Variants in ZNF148 observed in about 807,000 individuals in gnomAD.
ZNF148 encodes Beta-Enolase Repressor Factor-1.
Under a neutral mutation model 67.7 loss-of-function variants are expected in ZNF148, and 7 were observed. The ratio of observed to expected loss-of-function variants is 0.10; its 90% CI spans 0.06 to 0.19. ZNF148 has a LOEUF of 0.19. Among genes scored for constraint, ZNF148 ranks in the 10% least tolerant of loss-of-function variants. The pLI is 1.00. For missense variants in ZNF148, 583 were observed against 947.1 expected, an observed-to-expected ratio of 0.62 and a Z score of 5.05; for synonymous variants, 333 against 330.7, an observed-to-expected ratio of 1.01 and a Z score of -0.08.
chr3:125,340,728 T>C (rs904649801), intron 1 of ZNF148, among the ~76,000 whole-genome samples: 2 of 152,126 alleles, frequency 1.3e-5, no homozygotes, highest in African/African-American at 2.4e-5. Flanking sequence ...GGCTCATGCC[T>C]GTAATCCCAG....
intron 1 of ZNF148, among the ~76,000 whole-genome samples, chr3:125,340,019 G>GCA (rs1466752000): frequency 6.6e-6 from 1 of 152,060 alleles, no homozygotes; most frequent in East Asian, 1.9e-4. Flanking sequence ...TACTCACGAA[G>GCA]CACAACTGTA....
At chr3:125,280,347 T>A (rs1404496454) in intron 5 of ZNF148, among the ~76,000 whole-genome samples, 2 of 152,056 alleles carry the variant, frequency 1.3e-5, no homozygotes, top group African/African-American at 4.8e-5. Context: ...TTAGGCTGCA[T>A]GTATTCCAAT....
Position 125,334,394 on chromosome 3 carries a change from A to G in ZNF148, c.-233-3156T>C, listed in dbSNP as rs368604001. Among the ~76,000 whole-genome samples, 30 of 152,342 alleles carry G rather than the reference A, an allele frequency of 2.0e-4. No individual in the cohort carries two copies. In the East Asian group the frequency reaches 5.8e-3, roughly 29 times the overall value. On this transcript the variant is annotated intron_variant, in intron 1 of 8. Coordinates refer to ENST00000360647, the MANE Select transcript of ZNF148 (RefSeq NM_021964.3). ...CACATACAGAGTAAATGTTTGTGAT[A>G]ATAATGTGATATAATTGAAGCATAA...
intron 6 of ZNF148, among the ~76,000 whole-genome samples, chr3:125,278,168 C>T (rs1048814764): frequency 1.8e-4 from 28 of 152,072 alleles, no homozygotes; most frequent in African/African-American, 5.6e-4. Flanking sequence ...GAAGAAGGTG[C>T]GCCCATCCTG....
intron 7 of ZNF148, among the ~76,000 whole-genome samples, chr3:125,254,525 T>C (rs1936985582): frequency 6.6e-6 from 1 of 152,230 alleles, no homozygotes. Flanking sequence ...GTTCTGTCCA[T>C]TTCTGCTTAA....
chr3:125,371,372 A>AG (rs59807253), intron 1 of ZNF148, among the ~76,000 whole-genome samples: 97 of 65,356 alleles, frequency 1.5e-3, no homozygotes, highest in East Asian at 5.0e-3. Flanking sequence ...AAAAAAAAAA[A>AG]GGGGGGGGGG....
At position 125,232,395 on chromosome 3, in the gene ZNF148, A is replaced by G. The variant is rs776411296; in HGVS notation, c.2331T>C (p.Asn777=). 3 of 1,611,472 alleles carry G rather than the reference A, an allele frequency of 1.9e-6. No individual in the cohort carries two copies. Among genetic ancestry groups the G allele is most frequent in the African/African-American group, 2.7e-5 (2 of 74,264 alleles). Residue 777 remains asparagine, a synonymous_variant, in exon 9 of 9, where the codon AAT becomes AAC. Transcript: ENST00000360647. This position sits in a 1 kb window ranked among gnomAD's most constrained non-coding sequence, Gnocchi z 4.2. ...SEFPLVNVND[N]RAGMTSSPDA... ...CAGGTGAAGATGTCATCCCAGCTCT[A>G]TTATCATTTACATTCACCAAGGGAA...
At chr3:125,348,809 G>C (rs747480338) in intron 1 of ZNF148, among the ~76,000 whole-genome samples, 6 of 152,012 alleles carry the variant, frequency 3.9e-5, no homozygotes, top group Non-Finnish European at 5.9e-5. Context: ...TCTTGAAAAA[G>C]AACAACAAAG....
intron 7 of ZNF148, among the ~76,000 whole-genome samples, chr3:125,274,548 G>A (rs1392529408): frequency 6.6e-6 from 1 of 152,182 alleles, no homozygotes; most frequent in African/African-American, 2.4e-5. Context: ...TTAAATAATA[G>A]CCTGTCTAGA....
chr3:125,289,332 C>G (rs984604390), intron 4 of ZNF148, among the ~76,000 whole-genome samples: 1 of 152,146 alleles, frequency 6.6e-6, no homozygotes, highest in Non-Finnish European at 1.5e-5. Context: ...GAATTTCATA[C>G]TGACAAAATA....
Position 125,277,748 on chromosome 3 carries a change from C to G in ZNF148, c.645G>C (p.Gln215His). The G allele has an allele frequency of 6.2e-7, 1 of 1,612,328 alleles. No individual in the cohort carries two copies. Reference sequence around the variant, plus strand: ...CACCAGTATGAATCTTCTCATGTCTCTGAAGCAGGTACTTCTGTATGAAAC... The same window carrying G: ...CACCAGTATGAATCTTCTCATGTCTGTGAAGCAGGTACTTCTGTATGAAAC... ...DMRFIQKYLL[Q>H]RHEKIHTGEK... The change falls in exon 7 of 9, where the codon CAG becomes CAC. Residue 215 changes from glutamine to histidine, a missense_variant. Around this residue, in one of 5 missense-constraint regions of ZNF148, gnomAD observed 25 missense variants for 142.0 expected, o/e 0.18. Transcript: ENST00000360647.
At chr3:125,297,023 G>A (rs186323560) in intron 4 of ZNF148, among the ~76,000 whole-genome samples, 1 of 151,838 alleles carries the variant, frequency 6.6e-6, no homozygotes, top group East Asian at 1.9e-4. Context: ...TCCTAAAGTA[G>A]TAAGATTATA....
Position 125,354,141 on chromosome 3 carries a change from A to C in ZNF148, c.-234+20961T>G, listed in dbSNP as rs146161572. Among the ~76,000 whole-genome samples, 3 of 152,176 alleles carry C rather than the reference A, an allele frequency of 2.0e-5. No homozygotes were observed. The East Asian group carries it at 5.8e-4, about 29-fold the overall frequency. On this transcript the variant is annotated intron_variant, in intron 1 of 8. Transcript: ENST00000360647. ...CTAATATGCATTTTAAGTTTTTTCT[A>C]TTAAATAAATTTCTTACATAAAATT...
chr3:125,315,501 G>A (rs1052675461), intron 3 of ZNF148, among the ~76,000 whole-genome samples: 1 of 152,034 alleles, frequency 6.6e-6, no homozygotes. Flanking sequence ...CAGGTCAGGA[G>A]ATCGAGACCA....
chr3:125,285,074 C>CT (rs1938588586), intron 5 of ZNF148, among the ~76,000 whole-genome samples: 1 of 152,196 alleles, frequency 6.6e-6, no homozygotes. Context: ...TACTAAAACT[C>CT]TATCACATTA....
At chr3:125,340,580 A>G (rs1010340585) in intron 1 of ZNF148, among the ~76,000 whole-genome samples, 1 of 152,232 alleles carries the variant, frequency 6.6e-6, no homozygotes, top group Non-Finnish European at 1.5e-5. Context: ...AGTAGGATCA[A>G]ACAAACCAAG....
At chr3:125,365,193 C>G (rs904412567) in intron 1 of ZNF148, among the ~76,000 whole-genome samples, 1 of 152,150 alleles carries the variant, frequency 6.6e-6, no homozygotes, top group Non-Finnish European at 1.5e-5. Flanking sequence ...TACCATAGAA[C>G]CTTGCACATG....
At chr3:125,342,668 T>C (rs1288325886) in intron 1 of ZNF148, among the ~76,000 whole-genome samples, 2 of 150,914 alleles carry the variant, frequency 1.3e-5, no homozygotes, top group African/African-American at 4.9e-5. Context: ...AAGAAAATGA[T>C]TTTTTTAAAA....
intron 2 of ZNF148, among the ~76,000 whole-genome samples, chr3:125,329,303 C>A (rs930446118): frequency 6.9e-6 from 1 of 144,530 alleles, no homozygotes; most frequent in Non-Finnish European, 1.5e-5. Flanking sequence ...TATGTATATT[C>A]ATACTACAGA....
Sources: allele counts gnomAD v4.1 joint callset (sites outside exome capture counted in the v4.1 genomes callset), GRCh38; gene constraint gnomAD v4.1.1; regional missense constraint gnomAD v4.1.1; non-coding constraint Gnocchi (gnomAD v3.1); transcripts MANE v1.5; gene names NCBI Gene and HGNC (gene_info 2026-07-23, HGNC 2026-07-21).